KCND2: variants seen among roughly 807,000 people sequenced by gnomAD.
KCND2 encodes potassium voltage-gated channel subfamily D member 2.
KCND2 carries 16 observed loss-of-function variants against 54.4 expected under a neutral mutation model. That is an observed-to-expected ratio of 0.29 (90% CI 0.20 to 0.45). KCND2 has a LOEUF of 0.45. Ranked by LOEUF, KCND2 falls within the 20% of genes least tolerant of loss-of-function variation. The probability of loss-of-function intolerance (pLI) is 1.00; values close to 1 mark genes in which losing one functional copy is unlikely to be tolerated. For missense variants in KCND2, 486 were observed against 824.2 expected, an observed-to-expected ratio of 0.59 and a Z score of 5.02; for synonymous variants, 317 against 310.7, an observed-to-expected ratio of 1.02 and a Z score of -0.21.
chr7:120,316,006 A>G (rs184027769), intron 1 of KCND2, among the ~76,000 whole-genome samples: 1 of 152,280 alleles, frequency 6.6e-6, no homozygotes, highest in East Asian at 1.9e-4. Flanking sequence ...TACAAAAACA[A>G]ATTCATACAT....
rs182485530 is a variant in KCND2, at chr7:120,287,195, T to C, written c.1115+11448T>C. Among the ~76,000 whole-genome samples the C allele has an allele frequency of 2.5e-3, 380 of 152,170 alleles. 1 individual carries two copies. The highest frequency in any genetic ancestry group is 8.7e-3 in the African/African-American group (362 of 41,532). ...TGATTGGGCTATACCATATACAAATTTTTATAAAGCAAAGTGATAATATGT... is the reference window on the plus strand; with the variant it reads ...TGATTGGGCTATACCATATACAAATCTTTATAAAGCAAAGTGATAATATGT... On this transcript the variant is annotated intron_variant, in intron 1 of 5. Coordinates refer to ENST00000331113, the MANE Select transcript of KCND2 (RefSeq NM_012281.3).
chr7:120,632,752 G>T (rs532714164), intron 1 of KCND2, among the ~76,000 whole-genome samples: 1 of 152,288 alleles, frequency 6.6e-6, no homozygotes, highest in African/African-American at 2.4e-5. Flanking sequence ...GGCATGGGGA[G>T]GTTAGGTACT....
At chr7:120,716,342 T>C (rs965655739) in intron 1 of KCND2, among the ~76,000 whole-genome samples, 1 of 152,148 alleles carries the variant, frequency 6.6e-6, no homozygotes, top group Non-Finnish European at 1.5e-5. Context: ...TGGCCACTTA[T>C]GACTTTCCTA....
chr7:120,717,283 T>C (rs1323422736), intron 1 of KCND2, among the ~76,000 whole-genome samples: 1 of 152,090 alleles, frequency 6.6e-6, no homozygotes, highest in Non-Finnish European at 1.5e-5. Flanking sequence ...GAGCAGACAA[T>C]GTCAATGACT....
chr7:120,439,118 A>T (rs1443710901), intron 1 of KCND2, among the ~76,000 whole-genome samples: 1 of 152,082 alleles, frequency 6.6e-6, no homozygotes, highest in African/African-American at 2.4e-5. Flanking sequence ...TCATATTTTG[A>T]AAGAGACTGA....
intron 1 of KCND2, among the ~76,000 whole-genome samples, chr7:120,490,799 A>C (rs374489183): frequency 2.4e-4 from 37 of 152,130 alleles, no homozygotes; most frequent in African/African-American, 8.7e-4. Context: ...ACATATGGAT[A>C]GCTCAAGAAA....
intron 1 of KCND2, among the ~76,000 whole-genome samples, chr7:120,330,943 T>A (rs2116347256): frequency 6.6e-6 from 1 of 152,214 alleles, no homozygotes; most frequent in East Asian, 1.9e-4. Flanking sequence ...TAAATGAAAT[T>A]AAAATGAGGA....
chr7:120,621,344 T>C (rs1429788601), intron 1 of KCND2, among the ~76,000 whole-genome samples: 6 of 151,172 alleles, frequency 4.0e-5, no homozygotes, highest in Admixed American at 1.3e-4. Context: ...CTCTCTCCTA[T>C]TCTTATTCTC....
chr7:120,490,177 C>G (rs775009167), intron 1 of KCND2, among the ~76,000 whole-genome samples: 51 of 152,116 alleles, frequency 3.4e-4, no homozygotes, highest in Non-Finnish European at 6.6e-4. Context: ...ACGTTAGTAT[C>G]AGTAATTTGG....
At chr7:120,333,548 A>AT (rs1274457237) in intron 1 of KCND2, among the ~76,000 whole-genome samples, 2 of 152,114 alleles carry the variant, frequency 1.3e-5, no homozygotes, top group East Asian at 3.8e-4. Flanking sequence ...GCACTTTCGG[A>AT]TTTTTGCTGT....
chr7:120,408,862 G>T (rs1801405017), intron 1 of KCND2, among the ~76,000 whole-genome samples: 1 of 151,756 alleles, frequency 6.6e-6, no homozygotes, highest in South Asian at 2.1e-4. Flanking sequence ...ACCAAACACG[G>T]TGACTTGAAT....
chr7:120,663,331 A>G (rs1791888393), intron 1 of KCND2, among the ~76,000 whole-genome samples: 1 of 152,180 alleles, frequency 6.6e-6, no homozygotes, highest in African/African-American at 2.4e-5. Flanking sequence ...AAAAATGCAG[A>G]GATTTTTTCA....
chr7:120,381,388 A>G (rs557375916), intron 1 of KCND2, among the ~76,000 whole-genome samples: 1 of 152,276 alleles, frequency 6.6e-6, no homozygotes, highest in African/African-American at 2.4e-5. Context: ...CCAAAAGGTA[A>G]TTATATTCTG....
chr7:120,494,442 T>C (rs1199309464), intron 1 of KCND2, among the ~76,000 whole-genome samples: 1 of 152,132 alleles, frequency 6.6e-6, no homozygotes, highest in Non-Finnish European at 1.5e-5. Context: ...GCAGTTCTAC[T>C]GAAGAGAGAA....
At chr7:120,604,114 C>T (rs1792848019) in intron 1 of KCND2, among the ~76,000 whole-genome samples, 1 of 152,112 alleles carries the variant, frequency 6.6e-6, no homozygotes, top group Non-Finnish European at 1.5e-5. Flanking sequence ...AGGGTTTTGA[C>T]ACATTTAATA....
rs144382077 is a variant in KCND2 at position 120,715,423 on chromosome 7, GTTC to G, written c.1116-17474_1116-17472del. Among the ~76,000 whole-genome samples the G allele has an allele frequency of 2.0e-3, 304 of 152,086 alleles. 2 individuals are homozygous for G. Among genetic ancestry groups the G allele is most frequent in the African/African-American group, 6.6e-3 (273 of 41,526 alleles). ...TTCATGTTAATAACAACTTCTGGGT[GTTC>G]TTCTTATCTGCATCCATTACTCCAT... On this transcript the variant is annotated intron_variant, in intron 1 of 5. Coordinates refer to ENST00000331113, the MANE Select transcript of KCND2 (RefSeq NM_012281.3).
At chr7:120,704,435 C>A (rs1428735604) in intron 1 of KCND2, among the ~76,000 whole-genome samples, 2 of 152,086 alleles carry the variant, frequency 1.3e-5, no homozygotes, top group African/African-American at 4.8e-5. Context: ...AAGCTCTGGT[C>A]ATCTGAGTTG....
chr7:120,719,770 A>T (rs1198403140), intron 1 of KCND2, among the ~76,000 whole-genome samples: 1 of 152,214 alleles, frequency 6.6e-6, no homozygotes, highest in Admixed American at 6.6e-5. Flanking sequence ...ATTCATTTTT[A>T]AAGGCAACTT....
intron 1 of KCND2, among the ~76,000 whole-genome samples, chr7:120,284,969 A>G (rs1431195382): frequency 6.6e-6 from 1 of 152,178 alleles, no homozygotes; most frequent in African/African-American, 2.4e-5. Context: ...TTTTATTTGT[A>G]ATTTTTAATG....
Sources: gnomAD v4.1 joint callset for allele counts (sites outside exome capture counted in the v4.1 genomes callset) on GRCh38, gnomAD v4.1.1 for gene constraint, MANE v1.5 for transcripts, NCBI Gene and HGNC (gene_info 2026-07-23, HGNC 2026-07-21) for gene names.